The following PDPR variants were observed in gnomAD, a reference collection of about 807,000 sequenced individuals.
PDPR encodes pyruvate dehydrogenase phosphatase regulatory subunit.
PDPR carries 50 observed loss-of-function variants against 102.2 expected under a neutral mutation model. That is an observed-to-expected ratio of 0.49 (90% CI 0.39 to 0.62). The LOEUF (loss-of-function observed/expected upper bound fraction) is 0.62. PDPR is among the 20% of genes least tolerant of loss of function. PDPR has a pLI of 0.00. For missense variants in PDPR, 625 were observed against 1,098.2 expected (o/e 0.57, Z 6.09); for synonymous variants, 259 against 406.0 (o/e 0.64, Z 4.35).
At chr16:70,141,110 G>A (rs1965668870) in intron 11 of PDPR, among the ~76,000 whole-genome samples, 2 of 152,056 alleles carry the variant, frequency 1.3e-5, no homozygotes, top group Admixed American at 6.6e-5. Flanking sequence ...CTGGAGTGCC[G>A]TGGCGTGATT....
chr16:70,126,390 G>C (rs1466120915), intron 3 of PDPR, among the ~76,000 whole-genome samples: 1 of 152,356 alleles, frequency 6.6e-6, no homozygotes, highest in Admixed American at 6.5e-5. Context: ...TTGAGGCGGA[G>C]TCTCGCTCTG....
chr16:70,121,215 A>G (rs1345483130), intron 3 of PDPR, among the ~76,000 whole-genome samples: 1 of 152,050 alleles, frequency 6.6e-6, no homozygotes, highest in East Asian at 1.9e-4. Flanking sequence ...CCCAAGAGAA[A>G]TATGCTCTAT....
intron 3 of PDPR, among the ~76,000 whole-genome samples, chr16:70,124,238 C>T (rs1375379035): frequency 1.3e-5 from 2 of 152,032 alleles, no homozygotes; most frequent in East Asian, 1.9e-4. Context: ...TGGCATAAGC[C>T]TGTAATTGTA....
chr16:70,132,133 G>A lies in PDPR; in HGVS notation c.848-18G>A, dbSNP rs1295895598. On this transcript the variant is annotated intron_variant, in intron 8 of 18. Transcript: ENST00000288050. Reference sequence around the variant, plus strand: ...TTTTTTCTTCCACTCCCCACTCCATGTCATTTCTCCACCTCAGCTATTGTG... The same window carrying A: ...TTTTTTCTTCCACTCCCCACTCCATATCATTTCTCCACCTCAGCTATTGTG... 1 of 1,607,122 alleles carries A rather than the reference G, an allele frequency of 6.2e-7. No homozygotes were observed. Among genetic ancestry groups the A allele is most frequent in the African/African-American group, 1.3e-5 (1 of 74,800 alleles).
intron 9 of PDPR, among the ~76,000 whole-genome samples, chr16:70,132,802 T>A (rs1964676534): frequency 6.6e-6 from 1 of 152,252 alleles, no homozygotes; most frequent in Non-Finnish European, 1.5e-5. Flanking sequence ...TGTGTGTGTT[T>A]AGTCATCTCT....
At chr16:70,149,364 C>G (rs761576660) in intron 17 of PDPR, among the ~76,000 whole-genome samples, 1 of 152,104 alleles carries the variant, frequency 6.6e-6, no homozygotes, top group African/African-American at 2.4e-5. Context: ...CTCCCAGGTT[C>G]AAGTGATTGT....
intron 4 of PDPR, 97 bp from the exon 5 acceptor site, chr16:70,128,687 T>C: frequency 1.9e-6 from 3 of 1,595,528 alleles, no homozygotes; most frequent in Non-Finnish European, 2.6e-6. Flanking sequence ...GTCCCAGGAT[T>C]CATCACAGGT....
In PDPR at chr16:70,160,408, GA is replaced by G. The variant is rs1440289906; in HGVS notation, c.*3530del. ...GTCACAGCACCTTGTATGATGGCAG[GA>G]CAGGCTCCAGCAGAGAGAACTGCAC... is the stretch of plus-strand genomic sequence containing the variant. On this transcript the variant is annotated 3_prime_UTR_variant, in exon 19 of 19. Transcript: ENST00000288050. 1.4e-4 allele frequency: 21 copies of G among 153,006 alleles called. No individual in the cohort carries two copies. Among genetic ancestry groups the G allele is most frequent in the Admixed American group, 5.2e-4 (8 of 15,292 alleles). 9.5% of individuals were successfully genotyped at this position (153,006 alleles called of 1,614,324 possible). A position where few individuals can be genotyped will look rare whatever the true frequency, so the allele number is the denominator to read the frequency against.
chr16:70,152,753 G>T (rs902032249), intron 17 of PDPR, among the ~76,000 whole-genome samples: 1 of 152,290 alleles, frequency 6.6e-6, no homozygotes, highest in African/African-American at 2.4e-5. Flanking sequence ...GTTCAGACAG[G>T]GATTGAATAT....
At chr16:70,150,480 G>A (rs1171887546) in intron 17 of PDPR, among the ~76,000 whole-genome samples, 1 of 150,788 alleles carries the variant, frequency 6.6e-6, no homozygotes, top group Non-Finnish European at 1.5e-5. Flanking sequence ...AGGCATGCTT[G>A]TTTTCTTCTT....
intron 4 of PDPR, among the ~76,000 whole-genome samples, chr16:70,128,236 C>CT (rs1403951557): frequency 1.0e-4 from 15 of 145,344 alleles, no homozygotes; most frequent in South Asian, 2.2e-4. Flanking sequence ...TTTTTTTTTT[C>CT]TTTTTTTTAA....
intron 17 of PDPR, among the ~76,000 whole-genome samples, chr16:70,149,895 A>C (rs1966573447): frequency 6.6e-6 from 1 of 152,118 alleles, no homozygotes; most frequent in Non-Finnish European, 1.5e-5. Context: ...GGTTCACGCC[A>C]TTCTCCTGCC....
chr16:70,162,623 G>C (rs1967897331), downstream of PDPR: 1 of 152,768 alleles, frequency 6.5e-6, no homozygotes, highest in Non-Finnish European at 1.5e-5. Context: ...AGGAGAGTGT[G>C]TACCTCCCTG....
In PDPR at chr16:70,129,411, C is replaced by T. The variant is rs189179284; in HGVS notation, c.607+289C>T. Among the ~76,000 whole-genome samples, 80 of 152,390 alleles carry T rather than the reference C, an allele frequency of 5.2e-4. No homozygotes were observed. The East Asian group carries it at 0.014, about 28-fold the overall frequency. On this transcript the variant is annotated intron_variant, in intron 6 of 18. Transcript: ENST00000288050. ...CCAGGCTGGAGTGCAATGGCACAAT[C>T]TTGGCTCACTGCAACCTTCGCCTCC...
intron 9 of PDPR, among the ~76,000 whole-genome samples, chr16:70,133,071 A>G (rs1162458843): frequency 1.3e-5 from 2 of 149,546 alleles, no homozygotes; most frequent in African/African-American, 5.0e-5. Flanking sequence ...CAGCTTCCCA[A>G]AGTGCTGTGA....
chr16:70,141,614 T>G (rs1445591535), intron 11 of PDPR, among the ~76,000 whole-genome samples: 2 of 152,278 alleles, frequency 1.3e-5, no homozygotes, highest in Non-Finnish European at 2.9e-5. Flanking sequence ...CTATGAAGCT[T>G]GGTAAGGTTT....
chr16:70,137,512 G>C (rs1407352871), intron 10 of PDPR, among the ~76,000 whole-genome samples: 1 of 152,270 alleles, frequency 6.6e-6, no homozygotes, highest in African/African-American at 2.4e-5. Context: ...CAGAGGCGGG[G>C]GAGGGGAGCT....
At chr16:70,155,660 G>C (rs1967077897) in intron 18 of PDPR, among the ~76,000 whole-genome samples, 1 of 152,240 alleles carries the variant, frequency 6.6e-6, no homozygotes, top group Non-Finnish European at 1.5e-5. Context: ...AAAGTGCTGG[G>C]ATTACAGGCG....
At chr16:70,152,737 G>A (rs1304433619) in intron 17 of PDPR, among the ~76,000 whole-genome samples, 1 of 152,288 alleles carries the variant, frequency 6.6e-6, no homozygotes, top group African/African-American at 2.4e-5. Context: ...AAACTTAACA[G>A]CGTATGTTCA....
Sources: allele counts gnomAD v4.1 joint callset (sites outside exome capture counted in the v4.1 genomes callset), GRCh38; gene constraint gnomAD v4.1.1; transcripts MANE v1.5; gene names NCBI Gene and HGNC (gene_info 2026-07-23, HGNC 2026-07-21).